Variants in FMNL2 observed in about 807,000 individuals in gnomAD.
FMNL2 encodes formin like 2, also known as formin-like protein 2.
Under a neutral mutation model 130.2 loss-of-function variants are expected in FMNL2, and 51 were observed. The observed-to-expected ratio is 0.39, with a 90% CI of 0.31 to 0.49. The LOEUF (loss-of-function observed/expected upper bound fraction) is 0.49. Ranked by LOEUF, FMNL2 falls within the 20% of genes least tolerant of loss-of-function variation. FMNL2 has a pLI of 0.85. For missense variants in FMNL2, 977 were observed against 1,316.2 expected, an observed-to-expected ratio of 0.74 and a Z score of 3.99; for synonymous variants, 465 against 467.1, an observed-to-expected ratio of 1.00 and a Z score of 0.06.
intron 25 of FMNL2, among the ~76,000 whole-genome samples, chr2:152,644,945 A>T (rs1428516296): frequency 2.0e-5 from 3 of 152,202 alleles, no homozygotes; most frequent in Non-Finnish European, 4.4e-5. Flanking sequence ...GACAAGGGAA[A>T]CACATACTCT....
At chr2:152,414,045 G>A (rs13026858) in intron 1 of FMNL2, among the ~76,000 whole-genome samples, 13,522 of 152,076 alleles carry the variant, frequency 0.089, 1,258 homozygotes, top group African/African-American at 0.24. Flanking sequence ...GATTATTGAT[G>A]TACACGAGCT....
chr2:152,476,883 A>G (rs1262963377), intron 1 of FMNL2, among the ~76,000 whole-genome samples: 12 of 152,194 alleles, frequency 7.9e-5, no homozygotes, highest in Non-Finnish European at 1.5e-5. Context: ...AATCTGAGAA[A>G]TAGCTCATAG....
At chr2:152,645,363 T>G in intron 25 of FMNL2, 1 of 819,274 alleles carries the variant, frequency 1.2e-6, no homozygotes, top group Non-Finnish European at 1.8e-6. Flanking sequence ...GAGCACTAAG[T>G]TGAGTTGCTT....
intron 6 of FMNL2, among the ~76,000 whole-genome samples, chr2:152,569,292 C>G (rs763615945): frequency 2.6e-5 from 4 of 152,128 alleles, no homozygotes; most frequent in Non-Finnish European, 4.4e-5. Flanking sequence ...ATTTTCTTTG[C>G]TGGCCTTGCT....
intron 1 of FMNL2, among the ~76,000 whole-genome samples, chr2:152,400,040 ATGAGT>A (rs1685601363): frequency 6.6e-6 from 1 of 152,132 alleles, no homozygotes; most frequent in East Asian, 1.9e-4. Context: ...TTTTGTTTTG[ATGAGT>A]TGAGTTTGAG....
At chr2:152,620,851 T>C in intron 15 of FMNL2, 1 of 854,288 alleles carries the variant, frequency 1.2e-6, no homozygotes, top group Non-Finnish European at 1.4e-6. Context: ...CACCCCGACT[T>C]CTATATAAAA....
In FMNL2 at chr2:152,435,296, A is replaced by G. The variant is rs190287300; in HGVS notation, c.118-86647A>G. Among the ~76,000 whole-genome samples the G allele has an allele frequency of 2.4e-3, 366 of 152,336 alleles. 2 individuals carry two copies. The highest frequency in any genetic ancestry group is 8.6e-3 in the African/African-American group (356 of 41,588). The stretch of plus-strand genomic sequence containing the variant: ...CAGGAGTTTGAGACCTGAGTGGGCA[A>G]CATAGCAAAACTCTGTCTTTCCAAA... On this transcript the variant is annotated intron_variant, in intron 1 of 25. Coordinates refer to ENST00000288670, the MANE Select transcript of FMNL2 (RefSeq NM_052905.4).
intron 16 of FMNL2, 97 bp downstream of exon 16, chr2:152,625,659 AGT>A: frequency 7.3e-7 from 1 of 1,361,934 alleles, no homozygotes; most frequent in Non-Finnish European, 1.0e-6. Context: ...ATAAAGTACT[AGT>A]GTTTTAAGTC....
intron 7 of FMNL2, among the ~76,000 whole-genome samples, chr2:152,577,317 A>T (rs1696531753): frequency 6.6e-6 from 1 of 152,160 alleles, no homozygotes; most frequent in Non-Finnish European, 1.5e-5. Flanking sequence ...AGACTGCAGG[A>T]TAGATGGATT....
chr2:152,375,869 C>CTATATATATATATATATATA (rs1376054574), intron 1 of FMNL2, among the ~76,000 whole-genome samples: 1 of 113,258 alleles, frequency 8.8e-6, no homozygotes, highest in Non-Finnish European at 1.7e-5. Context: ...CTCTCTCTCT[C>CTATATATATATATATATATA]TCTCTCTCTA....
At chr2:152,514,397 T>C (rs1692649204) in intron 1 of FMNL2, among the ~76,000 whole-genome samples, 1 of 152,208 alleles carries the variant, frequency 6.6e-6, no homozygotes, top group South Asian at 2.1e-4. Flanking sequence ...TTCTGTGTGA[T>C]GCACAGCTCT....
chr2:152,639,104 G>A (rs1028382511), intron 23 of FMNL2, among the ~76,000 whole-genome samples: 1 of 152,128 alleles, frequency 6.6e-6, no homozygotes, highest in Non-Finnish European at 1.5e-5. Flanking sequence ...GCAGTGATGT[G>A]ACTGCCAGGA....
chr2:152,427,899 C>T (rs977550801), intron 1 of FMNL2, among the ~76,000 whole-genome samples: 2 of 152,148 alleles, frequency 1.3e-5, no homozygotes, highest in Non-Finnish European at 2.9e-5. Flanking sequence ...CTTGGCCACA[C>T]GTGGTCACCC....
chr2:152,470,429 T>C lies in FMNL2; in HGVS notation c.118-51514T>C, dbSNP rs1267923038. Among the ~76,000 whole-genome samples, 3 of 152,344 alleles carry C rather than the reference T, an allele frequency of 2.0e-5. No homozygotes were observed. In the East Asian group the frequency reaches 5.8e-4, roughly 29 times the overall value. On this transcript the variant is annotated intron_variant, in intron 1 of 25. Coordinates refer to ENST00000288670, the MANE Select transcript of FMNL2 (RefSeq NM_052905.4). ...GATGAAAGTATTTGGAAGATTGCTG[T>C]CTACGATTTGTCAACCGTGGCTGAC...
At chr2:152,495,653 C>CAAAAAAAAAAAAAAAAAAAAAAAAAAAA (rs55989531) in intron 1 of FMNL2, among the ~76,000 whole-genome samples, 1 of 48,562 alleles carries the variant, frequency 2.1e-5, no homozygotes, top group Non-Finnish European at 3.9e-5. Context: ...TCCGTCTCAC[C>CAAAAAAAAAAAAAAAAAAAAAAAAAAAA]AAAAAAAAAA....
chr2:152,487,954 T>C (rs937747300), intron 1 of FMNL2, among the ~76,000 whole-genome samples: 1 of 151,970 alleles, frequency 6.6e-6, no homozygotes, highest in Non-Finnish European at 1.5e-5. Context: ...CACCAGCTAA[T>C]TTTTGTATTT....
At chr2:152,422,639 C>T (rs2106049642) in intron 1 of FMNL2, among the ~76,000 whole-genome samples, 1 of 152,306 alleles carries the variant, frequency 6.6e-6, no homozygotes, top group African/African-American at 2.4e-5. Context: ...AGCCATCCTC[C>T]TATCTCAGCC....
At position 152,581,062 on chromosome 2, in the gene FMNL2, A is replaced by G. The variant is rs1215592480; in HGVS notation, c.876+13A>G. The G allele has an allele frequency of 2.5e-6, 4 of 1,605,364 alleles. No homozygotes were observed. Among genetic ancestry groups the G allele is most frequent in the Admixed American group, 1.7e-5 (1 of 59,266 alleles). On this transcript the variant is annotated intron_variant, in intron 9 of 25. Transcript: ENST00000288670. ...TAACTTTAAAGAGGTAGGCTACACTATAGTTTTCATAAGAATACTCACACA... is the reference window on the plus strand; with the variant it reads ...TAACTTTAAAGAGGTAGGCTACACTGTAGTTTTCATAAGAATACTCACACA...
chr2:152,554,009 C>CT (rs1695077307), intron 4 of FMNL2, among the ~76,000 whole-genome samples: 1 of 152,060 alleles, frequency 6.6e-6, no homozygotes. Flanking sequence ...TTGGGATATT[C>CT]TTTTTTTAGT....
Sources: allele counts gnomAD v4.1 joint callset (sites outside exome capture counted in the v4.1 genomes callset), GRCh38; gene constraint gnomAD v4.1.1; transcripts MANE v1.5; gene names NCBI Gene and HGNC (gene_info 2026-07-23, HGNC 2026-07-21).